ETV6: variants seen among roughly 807,000 people sequenced by gnomAD.
The protein encoded by ETV6 is ETS variant transcription factor 6, also known as transcription factor ETV6.
Under a neutral mutation model 51.1 loss-of-function variants are expected in ETV6, and 16 were observed. That is an observed-to-expected ratio of 0.31 (90% CI 0.21 to 0.48). The LOEUF is 0.48. Ranked by LOEUF, ETV6 falls within the 20% of genes least tolerant of loss-of-function variation. The pLI is 0.99. For missense variants in ETV6, 458 were observed against 594.8 expected (o/e 0.77, Z 2.39); for synonymous variants, 240 against 224.1 (o/e 1.07, Z -0.64).
At chr12:11,711,007 C>T (rs570423882) in intron 1 of ETV6, among the ~76,000 whole-genome samples, 3 of 152,308 alleles carry the variant, frequency 2.0e-5, no homozygotes, top group African/African-American at 7.2e-5. Flanking sequence ...TCAGAGGCCT[C>T]AGCTAGACTT....
At chr12:11,715,653 C>T (rs892874357) in intron 1 of ETV6, among the ~76,000 whole-genome samples, 11 of 152,200 alleles carry the variant, frequency 7.2e-5, no homozygotes, top group Non-Finnish European at 1.3e-4. Context: ...AAGAGTCGAA[C>T]TTATAGAGGT....
At chr12:11,845,000 T>A (rs1946440878) in intron 3 of ETV6, among the ~76,000 whole-genome samples, 1 of 152,086 alleles carries the variant, frequency 6.6e-6, no homozygotes, top group African/African-American at 2.4e-5. Context: ...CCCAGCTAAT[T>A]TTTGTATTTT....
At chr12:11,782,628 G>T (rs964469616) in intron 2 of ETV6, among the ~76,000 whole-genome samples, 34 of 152,164 alleles carry the variant, frequency 2.2e-4, no homozygotes, top group African/African-American at 8.0e-4. Context: ...GAATCACTGG[G>T]AAATGCTTGG....
intron 2 of ETV6, among the ~76,000 whole-genome samples, chr12:11,782,937 T>C (rs1945432938): frequency 6.6e-6 from 1 of 152,272 alleles, no homozygotes; most frequent in East Asian, 1.9e-4. Context: ...CTAAGGAGTT[T>C]AGATTTTGTG....
intron 1 of ETV6, among the ~76,000 whole-genome samples, chr12:11,706,013 G>A (rs1234471977): frequency 6.6e-6 from 1 of 152,238 alleles, no homozygotes; most frequent in African/African-American, 2.4e-5. Context: ...AACTTTGATG[G>A]TTTTCAAATC....
At chr12:11,828,274 A>G (rs888553303) in intron 2 of ETV6, among the ~76,000 whole-genome samples, 1 of 152,174 alleles carries the variant, frequency 6.6e-6, no homozygotes, top group African/African-American at 2.4e-5. Flanking sequence ...ATTGACCCTA[A>G]CTACTATGAA....
rs1946379375 is a variant in ETV6 at position 11,840,865 on chromosome 12, T to G, written c.328+1561T>G. 2.7e-5 allele frequency: 5 copies of G among 182,338 alleles called. No homozygotes were observed. In the South Asian group the frequency reaches 5.3e-4, roughly 19 times the overall value. 11.3% of individuals were successfully genotyped at this position (182,338 alleles called of 1,614,324 possible). A position where few individuals can be genotyped will look rare whatever the true frequency, so the allele number is the denominator to read the frequency against. The stretch of plus-strand genomic sequence containing the variant: ...ACCATGTAAATAAATCAGACTATCC[T>G]AAATAGTTCTTTTGAATTTATTACA... On this transcript the variant is annotated intron_variant, in intron 3 of 7. Coordinates refer to ENST00000396373, the MANE Select transcript of ETV6 (RefSeq NM_001987.5).
chr12:11,751,465 G>T (rs1318695161), intron 1 of ETV6: 6 of 518,340 alleles, frequency 1.2e-5, no homozygotes, highest in Non-Finnish European at 2.3e-5. Flanking sequence ...TTTACATGTG[G>T]ACTGCAAGTC....
chr12:11,735,028 C>CA lies in ETV6; in HGVS notation c.34-17418dup, dbSNP rs1158168692. Among the ~76,000 whole-genome samples, 3 of 146,210 alleles carry CA rather than the reference C, an allele frequency of 2.1e-5. No homozygotes were observed. The East Asian group carries it at 6.0e-4, about 29-fold the overall frequency. On this transcript the variant is annotated intron_variant, in intron 1 of 7. Transcript: ENST00000396373. ...TCTTCATCTTCTACTTATTAATGGGCAAAATGTCTTCGTAATTTATGGCAT... is the reference window on the plus strand; with the variant it reads ...TCTTCATCTTCTACTTATTAATGGGCAAAAATGTCTTCGTAATTTATGGCAT...
chr12:11,650,715 TC>T (rs1343952373), intron 1 of ETV6, among the ~76,000 whole-genome samples: 1 of 152,126 alleles, frequency 6.6e-6, no homozygotes, highest in East Asian at 1.9e-4. Context: ...GGAGAGACAG[TC>T]CTGGTGTCAG....
intron 2 of ETV6, among the ~76,000 whole-genome samples, chr12:11,803,261 A>G (rs766443879): frequency 6.6e-6 from 1 of 152,226 alleles, no homozygotes; most frequent in Non-Finnish European, 1.5e-5. Flanking sequence ...CCTGGTCCAC[A>G]TTGCAAATTA....
At chr12:11,785,855 C>T (rs1305310219) in intron 2 of ETV6, among the ~76,000 whole-genome samples, 2 of 152,182 alleles carry the variant, frequency 1.3e-5, no homozygotes. Context: ...CCTTCACAAT[C>T]CTCTAGCTTA....
intron 2 of ETV6, among the ~76,000 whole-genome samples, chr12:11,822,310 G>A (rs554516639): frequency 6.6e-6 from 1 of 152,322 alleles, no homozygotes; most frequent in East Asian, 1.9e-4. Context: ...ATGGCCAGGT[G>A]AGATGATCAT....
At chr12:11,758,963 G>T (rs1284209434) in intron 2 of ETV6, among the ~76,000 whole-genome samples, 1 of 152,058 alleles carries the variant, frequency 6.6e-6, no homozygotes, top group Non-Finnish European at 1.5e-5. Context: ...GTGGCTGTAC[G>T]AGGGCCCTGG....
intron 1 of ETV6, among the ~76,000 whole-genome samples, chr12:11,694,161 T>G (rs963597090): frequency 6.6e-6 from 1 of 152,214 alleles, no homozygotes; most frequent in African/African-American, 2.4e-5. Context: ...TCTAATTTAT[T>G]TGTATTCTTG....
intron 2 of ETV6, among the ~76,000 whole-genome samples, chr12:11,828,671 AG>A (rs1565542027): frequency 6.6e-6 from 1 of 152,132 alleles, no homozygotes; most frequent in South Asian, 2.1e-4. Context: ...TGCATTTTGA[AG>A]GGGGGTTTGT....
intron 5 of ETV6, among the ~76,000 whole-genome samples, chr12:11,873,093 A>G (rs1219135249): frequency 6.6e-6 from 1 of 152,238 alleles, no homozygotes; most frequent in Non-Finnish European, 1.5e-5. Flanking sequence ...CTATAATGGC[A>G]TATTCAAAAG....
chr12:11,711,245 G>C (rs1411349955), intron 1 of ETV6, among the ~76,000 whole-genome samples: 3 of 152,096 alleles, frequency 2.0e-5, no homozygotes, highest in Non-Finnish European at 2.9e-5. Context: ...CAGGTTTTCA[G>C]CACAAACTCA....
chr12:11,881,728 G>A (rs1237891455), intron 5 of ETV6, among the ~76,000 whole-genome samples: 1 of 152,218 alleles, frequency 6.6e-6, no homozygotes, highest in Non-Finnish European at 1.5e-5. Context: ...GACCACAGCA[G>A]ATCTCTATTT....
Sources: gnomAD v4.1 joint callset for allele counts (sites outside exome capture counted in the v4.1 genomes callset) on GRCh38, gnomAD v4.1.1 for gene constraint, MANE v1.5 for transcripts, NCBI Gene and HGNC (gene_info 2026-07-23, HGNC 2026-07-21) for gene names.